PDXDC1: variants seen among roughly 807,000 people sequenced by gnomAD.
PDXDC1 encodes pyridoxal-dependent decarboxylase domain-containing protein 1.
In PDXDC1, 42 loss-of-function variants were observed where a neutral mutation model predicts 100.1. That is an observed-to-expected ratio of 0.42 (90% CI 0.33 to 0.54). The LOEUF is 0.54. Among genes scored for constraint, PDXDC1 ranks in the 20% least tolerant of loss-of-function variants. The probability of loss-of-function intolerance (pLI) is 0.10; values close to 1 mark genes in which losing one functional copy is unlikely to be tolerated. For missense variants in PDXDC1, 636 were observed against 979.2 expected (o/e 0.65, Z 4.68); for synonymous variants, 260 against 371.7 (o/e 0.70, Z 3.46).
At chr16:15,127,967 G>A in intron 16 of PDXDC1, 2 of 1,565,164 alleles carry the variant, frequency 1.3e-6, no homozygotes, top group South Asian at 1.1e-5. Context: ...CTCCCACGGA[G>A]TGGGAACATG....
At chr16:15,076,352 A>C in intron 16 of PDXDC1, 1 of 605,030 alleles carries the variant, frequency 1.7e-6, no homozygotes. Context: ...TACTTCACCA[A>C]ACCCAAATTC....
chr16:15,086,567 A>C (rs112415717), intron 16 of PDXDC1: 16,060 of 1,489,292 alleles, frequency 0.011, 109 homozygotes, highest in Middle Eastern at 0.031. Flanking sequence ...AAAAGGTCAC[A>C]AACTTGGAAG....
At chr16:14,984,495 A>ATATTTTT (rs1555542734) in intron 1 of PDXDC1, among the ~76,000 whole-genome samples, 35 of 73,492 alleles carry the variant, frequency 4.8e-4, no homozygotes, top group African/African-American at 5.0e-4. Flanking sequence ...ATATATATAT[A>ATATTTTT]TTTTTTTTTT....
intron 16 of PDXDC1, among the ~76,000 whole-genome samples, chr16:15,085,419 G>C (rs1391984896): frequency 6.6e-6 from 1 of 152,026 alleles, no homozygotes; most frequent in African/African-American, 2.4e-5. Flanking sequence ...CCAGGTAGCT[G>C]TGACTAAAGA....
chr16:15,095,038 G>C (rs2046304114), intron 16 of PDXDC1, among the ~76,000 whole-genome samples: 1 of 151,928 alleles, frequency 6.6e-6, no homozygotes, highest in Non-Finnish European at 1.5e-5. Context: ...GGGTTGCACT[G>C]TGTTGGCCAG....
chr16:15,047,804 C>A, intron 16 of PDXDC1: 1 of 1,443,362 alleles, frequency 6.9e-7, no homozygotes, highest in Non-Finnish European at 9.8e-7. Context: ...TCAATGGTCC[C>A]AAAGGTTGGG....
intron 16 of PDXDC1, among the ~76,000 whole-genome samples, chr16:15,099,537 T>C (rs897832182): frequency 6.6e-6 from 1 of 152,014 alleles, no homozygotes; most frequent in Non-Finnish European, 1.5e-5. Context: ...TCAGTCAAAT[T>C]GTCCTGTGGG....
At chr16:15,029,180 C>T (rs1354109098) in intron 15 of PDXDC1, 2 of 645,748 alleles carry the variant, frequency 3.1e-6, no homozygotes, top group Non-Finnish European at 5.5e-6. Flanking sequence ...ATTGCTCCCT[C>T]ACTTTCCTTG....
intron 1 of PDXDC1, among the ~76,000 whole-genome samples, chr16:14,990,700 T>TC (rs1333423271): frequency 6.6e-5 from 10 of 152,322 alleles, no homozygotes; most frequent in Non-Finnish European, 1.0e-4. Flanking sequence ...ACCCACCCAC[T>TC]CCCCCCTGGG....
chr16:15,118,859 G>T (rs374838759), intron 16 of PDXDC1: 167,811 of 933,314 alleles, frequency 0.18, 8,278 homozygotes, highest in East Asian at 0.36. Context: ...GAAACGTGAA[G>T]TGTTTCATAT....
upstream of PDXDC1, chr16:14,974,791 G>A: frequency 3.9e-6 from 6 of 1,535,492 alleles, no homozygotes; most frequent in South Asian, 4.8e-5. Flanking sequence ...TGGAAGCCTG[G>A]GCCCGGAAGT....
At chr16:15,015,461 A>T (rs1482573301) in intron 8 of PDXDC1, among the ~76,000 whole-genome samples, 1 of 152,152 alleles carries the variant, frequency 6.6e-6, no homozygotes, top group African/African-American at 2.4e-5. Context: ...TCATGCTTAT[A>T]ATCCCAGCAC....
chr16:15,006,671 G>T (rs993985656), intron 6 of PDXDC1, 88 bp downstream of exon 6: 6 of 1,298,584 alleles, frequency 4.6e-6, no homozygotes, highest in Non-Finnish European at 6.2e-6. Flanking sequence ...TCTAGTTGCT[G>T]TTCTTGCTGA....
intron 16 of PDXDC1, chr16:15,125,794 G>A (rs62039543): frequency 3.2e-5 from 44 of 1,364,424 alleles, no homozygotes; most frequent in African/African-American, 2.4e-4. Context: ...TGTGGGGCTC[G>A]GGCTCCCAGC....
intron 8 of PDXDC1, among the ~76,000 whole-genome samples, chr16:15,012,801 A>C (rs2041429972): frequency 1.3e-5 from 2 of 152,038 alleles, no homozygotes; most frequent in Non-Finnish European, 2.9e-5. Context: ...GCAGTGAGCC[A>C]AGATTGTGCT....
At position 14,988,455 on chromosome 16, in the gene PDXDC1, G is replaced by A. The variant is rs556961000; in HGVS notation, c.22-9298G>A. 1.5e-4 allele frequency: 244 copies of A among 1,614,044 alleles called. No homozygotes were observed. In the East Asian group the frequency reaches 2.6e-3, roughly 17 times the overall value. Reference sequence around the variant, plus strand: ...GGCCAGGATGGCCTTGAGGTGCAGCGTGTGCCGCAGGTCCTGCAGGTGTGT... The same window carrying A: ...GGCCAGGATGGCCTTGAGGTGCAGCATGTGCCGCAGGTCCTGCAGGTGTGT... On this transcript the variant is annotated intron_variant, in intron 1 of 22. Coordinates refer to ENST00000396410, the MANE Select transcript of PDXDC1 (RefSeq NM_015027.4).
intron 8 of PDXDC1, among the ~76,000 whole-genome samples, chr16:15,015,543 C>T (rs1419258577): frequency 6.6e-6 from 1 of 152,126 alleles, no homozygotes; most frequent in Non-Finnish European, 1.5e-5. Context: ...AGTGAAACCC[C>T]GTCTCTACTA....
intron 16 of PDXDC1, among the ~76,000 whole-genome samples, chr16:15,079,414 C>T (rs2045603833): frequency 6.6e-6 from 1 of 152,206 alleles, no homozygotes; most frequent in African/African-American, 2.4e-5. Flanking sequence ...GTGATTCTAT[C>T]AGGTTCTCTA....
At chr16:15,056,591 C>T (rs969904385) in intron 16 of PDXDC1, among the ~76,000 whole-genome samples, 1 of 152,010 alleles carries the variant, frequency 6.6e-6, no homozygotes, top group African/African-American at 2.4e-5. Flanking sequence ...GCCTGGGCAA[C>T]ATAGTGAGAC....
Sources: allele counts gnomAD v4.1 joint callset (sites outside exome capture counted in the v4.1 genomes callset), GRCh38; gene constraint gnomAD v4.1.1; transcripts MANE v1.5; gene names NCBI Gene and HGNC (gene_info 2026-07-23, HGNC 2026-07-21).